Variants in CD163L1 observed in about 807,000 individuals in gnomAD.
The protein encoded by CD163L1 is scavenger receptor cysteine-rich type 1 protein M160.
A neutral mutation model predicts 165.4 loss-of-function variants in CD163L1; 124 were observed. That is an observed-to-expected ratio of 0.75 (90% CI 0.65 to 0.87). CD163L1 has a LOEUF of 0.87. Among genes scored for constraint, CD163L1 ranks in the 40% least tolerant of loss-of-function variants. The pLI is 0.00. For missense variants in CD163L1, 1,525 were observed against 1,799.9 expected, an observed-to-expected ratio of 0.85 and a Z score of 2.76; for synonymous variants, 585 against 662.2, an observed-to-expected ratio of 0.88 and a Z score of 1.79.
At position 7,369,038 on chromosome 12, in the gene CD163L1, C is replaced by T. The variant is rs773550712; in HGVS notation, c.4040-73G>A. On this transcript the variant is annotated intron_variant, in intron 15 of 19. Coordinates refer to ENST00000313599, the MANE Select transcript of CD163L1 (RefSeq NM_174941.6). This position sits in a 1 kb window ranked among gnomAD's most constrained non-coding sequence, Gnocchi z 4.9. ...TGGGTATTTCTTTTTACATCTCCTG[C>T]GATTATCGGATGTCATTTAAATATC... 5.3e-5 allele frequency: 77 copies of T among 1,459,138 alleles called. No homozygotes were observed. The South Asian group carries it at 6.7e-4, about 13-fold the overall frequency. 90.4% of individuals were successfully genotyped at this position (1,459,138 alleles called of 1,614,324 possible). A position where few individuals can be genotyped will look rare whatever the true frequency, so the allele number is the denominator to read the frequency against.
At chr12:7,328,984 GTATATACACATATGTA>G in the CD163L1 span, among the ~76,000 whole-genome samples, 2 of 146,858 alleles carry the variant, frequency 1.4e-5, no homozygotes, top group Non-Finnish European at 3.0e-5. Flanking sequence ...ATACATATGT[GTATATACACATATGTA>G]TATATAGATA....
intron 2 of CD163L1, chr12:7,439,062 T>A (rs1948778489): frequency 6.3e-7 from 1 of 1,585,836 alleles, no homozygotes; most frequent in Non-Finnish European, 8.5e-7. Context: ...TCTAGGGGCT[T>A]CTCAAAGCCA....
chr12:7,332,420 G>A, the CD163L1 span, among the ~76,000 whole-genome samples: 3 of 152,064 alleles, frequency 2.0e-5, no homozygotes, highest in Admixed American at 6.6e-5. Context: ...TCAAATTCAG[G>A]AAATACAGAG....
rs1433491310 is a variant in CD163L1 at position 7,347,880 on chromosome 12, A to T, written c.*25-733T>A. On this transcript the variant is annotated intron_variant, in intron 4 of 4. Transcript: ENST00000539726. This position sits in a 1 kb window ranked among gnomAD's most constrained non-coding sequence, Gnocchi z 4.2. ...TTGATAAAATAATAACAAATATAAAATTAAAAACTGGTTGCATTGAACTAT... is the reference window on the plus strand; with the variant it reads ...TTGATAAAATAATAACAAATATAAATTTAAAAACTGGTTGCATTGAACTAT... Among the ~76,000 whole-genome samples the T allele has an allele frequency of 1.3e-5, 2 of 152,246 alleles. No individual in the cohort carries two copies. Among genetic ancestry groups the T allele is most frequent in the Admixed American group, 1.3e-4 (2 of 15,290 alleles).
chr12:7,323,461 T>G, the CD163L1 span: 1 of 1,613,708 alleles, frequency 6.2e-7, no homozygotes, highest in Admixed American at 1.7e-5. Flanking sequence ...CATTCCAGAT[T>G]ATAGATGAAA....
intron 8 of CD163L1, among the ~76,000 whole-genome samples, chr12:7,386,568 C>T (rs1166730632): frequency 9.8e-6 from 1 of 102,394 alleles, no homozygotes; most frequent in African/African-American, 4.0e-5. Flanking sequence ...TAAAAACCCT[C>T]AACAAAATAC....
rs1292304986 is a variant in CD163L1 at position 7,392,660 on chromosome 12, A to G, written c.2050+3435T>C. On this transcript the variant is annotated intron_variant, in intron 8 of 19. Coordinates refer to ENST00000313599, the MANE Select transcript of CD163L1 (RefSeq NM_174941.6). ...AGCTGGTTTTTCAAAAAGATCAACA[A>G]AATTGATAGACCGCTACCAAAACTA... 4.6e-5 allele frequency among the ~76,000 whole-genome samples: 7 copies of G among 152,340 alleles called. No homozygotes were observed. In the East Asian group the frequency reaches 1.2e-3, roughly 25 times the overall value.
chr12:7,388,539 T>C (rs762448445), intron 8 of CD163L1, among the ~76,000 whole-genome samples: 1 of 152,012 alleles, frequency 6.6e-6, no homozygotes, highest in South Asian at 2.1e-4. Context: ...GCCCGGGAGA[T>C]TGAGACCAGC....
chr12:7,360,496 G>A (rs1946869376), intron 18 of CD163L1, among the ~76,000 whole-genome samples: 1 of 151,886 alleles, frequency 6.6e-6, no homozygotes, highest in Non-Finnish European at 1.5e-5. Flanking sequence ...CCATTTTTAA[G>A]GTATCTTTTT....
intron 8 of CD163L1, among the ~76,000 whole-genome samples, chr12:7,392,782 A>G (rs1317890800): frequency 6.6e-6 from 1 of 152,214 alleles, no homozygotes; most frequent in African/African-American, 2.4e-5. Flanking sequence ...ATCAGAGAAC[A>G]CTATAAACAC....
chr12:7,365,494 A>G (rs1018390479), intron 18 of CD163L1, among the ~76,000 whole-genome samples: 1 of 152,176 alleles, frequency 6.6e-6, no homozygotes, highest in Admixed American at 6.5e-5. Flanking sequence ...AGAGTGGGAG[A>G]AATATTTTTA....
At chr12:7,396,447 T>C in intron 7 of CD163L1, 32 bp from the exon 8 acceptor site, 1 of 1,537,490 alleles carries the variant, frequency 6.5e-7, no homozygotes, top group Non-Finnish European at 8.8e-7. Flanking sequence ...AAGTAGTTAA[T>C]GGGTGTGATG....
intron 8 of CD163L1, among the ~76,000 whole-genome samples, chr12:7,380,378 T>TATGTGTGTATACGCGTATACATACATGC (rs1947369479): frequency 7.1e-6 from 1 of 141,096 alleles, no homozygotes; most frequent in African/African-American, 2.7e-5. Flanking sequence ...TACATACATG[T>TATGTGTGTATACGCGTATACATACATGC]ATGTGTGTAT....
At chr12:7,357,821 A>T (rs1249792981) in intron 18 of CD163L1, among the ~76,000 whole-genome samples, 1 of 152,136 alleles carries the variant, frequency 6.6e-6, no homozygotes, top group Non-Finnish European at 1.5e-5. Flanking sequence ...CATTGTCTAA[A>T]GATAGGAGAG....
At position 7,398,567 on chromosome 12, in the gene CD163L1, G is replaced by C. The variant is rs1463126768; in HGVS notation, c.1426C>G (p.Leu476Val). ...GGGCTATGAGCCCCGACAAGCCTTA[G>C]GTCCAGATCTGCCTTATCTGCAAGC... is the stretch of plus-strand genomic sequence containing the variant. ...VICSDKADLD[L>V]RLVGAHSPCY... The change falls in exon 7 of 20, where the codon CTA becomes GTA. Residue 476 changes from leucine to valine, a missense_variant. Coordinates refer to ENST00000313599, the MANE Select transcript of CD163L1 (RefSeq NM_174941.6). This position sits in a 1 kb window ranked among gnomAD's most constrained non-coding sequence, Gnocchi z 4.5. 4 of 1,580,760 alleles carry C rather than the reference G, an allele frequency of 2.5e-6. No individual in the cohort carries two copies. Among genetic ancestry groups the C allele is most frequent in the Admixed American group, 1.8e-5 (1 of 54,518 alleles).
the CD163L1 span, among the ~76,000 whole-genome samples, chr12:7,324,877 TAA>T: frequency 1.3e-5 from 2 of 152,120 alleles, no homozygotes; most frequent in Non-Finnish European, 2.9e-5. Flanking sequence ...GACAAGTACT[TAA>T]GTACAGCCAC....
rs115154477 is a variant in CD163L1 at position 7,444,117 on chromosome 12, G to A, written c.11C>T (p.Pro4Leu). The A allele has an allele frequency of 1.9e-3, 3,086 of 1,613,748 alleles. 54 individuals carry two copies. The African/African-American group carries it at 0.036, about 19-fold the overall frequency. Reference sequence around the variant, plus strand: ...CTTACCAATATGCCACGAGTTTTGAGGCAGCATCATTATGGGTCTATCTCT... The same window carrying A: ...CTTACCAATATGCCACGAGTTTTGAAGCAGCATCATTATGGGTCTATCTCT... MML[P>L]QNSWHIDFGR... Residue 4 changes from proline to leucine, a missense_variant, in exon 1 of 20, where the codon CCT becomes CTT. Coordinates refer to ENST00000313599, the MANE Select transcript of CD163L1 (RefSeq NM_174941.6).
intron 2 of CD163L1, chr12:7,439,927 G>A: frequency 6.3e-7 from 1 of 1,596,260 alleles, no homozygotes; most frequent in Non-Finnish European, 8.5e-7. Context: ...CAACTCCTCA[G>A]TGCTGTCGGC....
At chr12:7,396,552 T>C in intron 7 of CD163L1, 137 bp from the exon 8 acceptor site, 1 of 828,026 alleles carries the variant, frequency 1.2e-6, no homozygotes, top group South Asian at 1.9e-5. Flanking sequence ...TTTTCAGATG[T>C]GATTAACCTT....
Sources: gnomAD v4.1 joint callset for allele counts (sites outside exome capture counted in the v4.1 genomes callset) on GRCh38, gnomAD v4.1.1 for gene constraint, Gnocchi (gnomAD v3.1) non-coding constraint, MANE v1.5 for transcripts, NCBI Gene and HGNC (gene_info 2026-07-23, HGNC 2026-07-21) for gene names.